The following GLS variants were observed in gnomAD, a reference collection of about 807,000 sequenced individuals.
The protein encoded by GLS is glutaminase kidney isoform, mitochondrial.
GLS carries 36 observed loss-of-function variants against 86.7 expected under a neutral mutation model. That is an observed-to-expected ratio of 0.42 (90% CI 0.32 to 0.55). The LOEUF (loss-of-function observed/expected upper bound fraction) is 0.55, where lower values mean the gene tolerates loss of function less well. Among genes scored for constraint, GLS ranks in the 20% least tolerant of loss-of-function variants. The pLI, the probability that GLS is intolerant of heterozygous loss-of-function variation, is 0.17. For missense variants in GLS, 528 were observed against 833.4 expected (o/e 0.63, Z 4.51); for synonymous variants, 317 against 305.9 (o/e 1.04, Z -0.38).
At chr2:190,942,547 T>C (rs1200641367) in intron 14 of GLS, among the ~76,000 whole-genome samples, 1 of 152,082 alleles carries the variant, frequency 6.6e-6, no homozygotes, top group African/African-American at 2.4e-5. Context: ...GTTTAAGAAA[T>C]AGGATTGGCA....
At chr2:190,911,768 C>T (rs879562817) in intron 7 of GLS, among the ~76,000 whole-genome samples, 11 of 152,036 alleles carry the variant, frequency 7.2e-5, no homozygotes, top group Admixed American at 6.6e-4. Context: ...AAAAGTGTTT[C>T]TTCCCAGAAA....
rs1689833046 is a variant in GLS at position 190,924,280 on chromosome 2, G to C, written c.1198-263G>C. Among the ~76,000 whole-genome samples, 1 of 151,992 alleles carries C rather than the reference G, an allele frequency of 6.6e-6. No individual in the cohort carries two copies. The highest frequency in any genetic ancestry group is 1.5e-5 in the Non-Finnish European group (1 of 67,982). ...TGCCTGATTACTGTTAACTACTCTT[G>C]ATTTTTTTAAGTGGCTGGTCTAGTA... On this transcript the variant is annotated intron_variant, in intron 10 of 17. Coordinates refer to ENST00000320717, the MANE Select transcript of GLS (RefSeq NM_014905.5). This position sits in a 1 kb window ranked among gnomAD's most constrained non-coding sequence, Gnocchi z 5.2.
chr2:190,887,341 C>T (rs576051411), intron 1 of GLS, among the ~76,000 whole-genome samples: 1 of 151,958 alleles, frequency 6.6e-6, no homozygotes, highest in African/African-American at 2.4e-5. Flanking sequence ...CCCCCTACAA[C>T]GTAGTAGAAG....
Position 190,947,905 on chromosome 2 carries a change from G to C in GLS, c.1651-5660G>C, listed in dbSNP as rs927456426. Among the ~76,000 whole-genome samples, 1 of 152,142 alleles carries C rather than the reference G, an allele frequency of 6.6e-6. No individual in the cohort carries two copies. Among genetic ancestry groups the C allele is most frequent in the African/African-American group, 2.4e-5 (1 of 41,424 alleles). On this transcript the variant is annotated intron_variant, in intron 14 of 17. Transcript: ENST00000320717. The surrounding 1 kb of genome is among the most constrained non-coding windows in gnomAD (Gnocchi z 5.0). ...TGTGTCAGCTTAGTTGGAAATACTC[G>C]TGGCGCTCTTTAACAGACCAGGAAG...
At position 190,954,443 on chromosome 2, in the gene GLS, A is replaced by G. The variant is rs1200753112; in HGVS notation, c.1713-141A>G. On this transcript the variant is annotated intron_variant, in intron 15 of 17. Coordinates refer to ENST00000320717, the MANE Select transcript of GLS (RefSeq NM_014905.5). This position sits in a 1 kb window ranked among gnomAD's most constrained non-coding sequence, Gnocchi z 4.0. ...ACCCAAAACACCTGTGTACTGGTTA[A>G]TAAGGTCGGTAGTTCCCATTAATGA... The G allele has an allele frequency of 8.0e-6, 5 of 626,100 alleles. No individual in the cohort carries two copies. The highest frequency in any genetic ancestry group is 1.4e-5 in the Non-Finnish European group (5 of 349,138). The allele number at this position is 626,100 out of a possible 1,614,324, so 38.8% of individuals were successfully genotyped here.
chr2:190,916,568 C>A (rs1225794496), intron 7 of GLS, among the ~76,000 whole-genome samples: 3 of 152,084 alleles, frequency 2.0e-5, no homozygotes, highest in Admixed American at 2.0e-4. Flanking sequence ...CCAAGAGATA[C>A]ACAAGCAGAT....
Position 190,921,279 on chromosome 2 carries a change from G to T in GLS, c.1130+76G>T. The T allele has an allele frequency of 1.0e-6, 1 of 958,386 alleles. No homozygotes were observed. Among genetic ancestry groups the T allele is most frequent in the Non-Finnish European group, 1.7e-6 (1 of 592,066 alleles). 59.4% of individuals were successfully genotyped at this position (958,386 alleles called of 1,614,324 possible). ...AGAATTGATCCACTCTCTTTTCATT[G>T]GAGGGAAATGAATGATTTCTAAATT... On this transcript the variant is annotated intron_variant, in intron 9 of 17. Coordinates refer to ENST00000320717, the MANE Select transcript of GLS (RefSeq NM_014905.5). This position sits in a 1 kb window ranked among gnomAD's most constrained non-coding sequence, Gnocchi z 4.2.
chr2:190,919,129 A>G (rs1689648954), intron 7 of GLS, among the ~76,000 whole-genome samples: 1 of 152,174 alleles, frequency 6.6e-6, no homozygotes, highest in Admixed American at 6.5e-5. Context: ...TTCTTAAAAA[A>G]TGCACTATCT....
intron 12 of GLS, among the ~76,000 whole-genome samples, chr2:190,928,802 A>G (rs1219308614): frequency 7.5e-6 from 1 of 132,462 alleles, no homozygotes; most frequent in East Asian, 2.1e-4. Context: ...AATTTAGTCT[A>G]TACAGTTTTC....
At position 190,905,631 on chromosome 2, in the gene GLS, T is replaced by G. The variant is rs953858280; in HGVS notation, c.979+464T>G. On this transcript the variant is annotated intron_variant, in intron 6 of 17. Transcript: ENST00000320717. The surrounding 1 kb of genome is among the most constrained non-coding windows in gnomAD (Gnocchi z 4.6). ...GGATTATTATTTTTCAGTGAGTGTTTTTACTTTTTATCCTTATAACATTAA... is the reference window on the plus strand; with the variant it reads ...GGATTATTATTTTTCAGTGAGTGTTGTTACTTTTTATCCTTATAACATTAA... 6.6e-6 allele frequency among the ~76,000 whole-genome samples: 1 copy of G among 152,118 alleles called. No homozygotes were observed. The highest frequency in any genetic ancestry group is 6.5e-5 in the Admixed American group (1 of 15,280).
chr2:190,945,417 CT>C (rs1437129936), intron 14 of GLS, among the ~76,000 whole-genome samples: 2 of 151,894 alleles, frequency 1.3e-5, no homozygotes, highest in African/African-American at 2.4e-5. Context: ...AATCCCAGCA[CT>C]TTGGGAGGGT....
intron 5 of GLS, among the ~76,000 whole-genome samples, chr2:190,902,708 G>A (rs1166633158): frequency 6.6e-6 from 1 of 152,182 alleles, no homozygotes; most frequent in Non-Finnish European, 1.5e-5. Context: ...CGTGTTCATT[G>A]TGCTGGGAAT....
At chr2:190,881,797 C>A in intron 1 of GLS, 1 of 246,808 alleles carries the variant, frequency 4.1e-6, no homozygotes, top group Non-Finnish European at 7.8e-6. Flanking sequence ...GCGTGCTCAG[C>A]TCCCTGGCTT....
chr2:190,927,274 A>G (rs1402948328), intron 11 of GLS, 32 bp from the exon 12 acceptor site: 3 of 1,512,450 alleles, frequency 2.0e-6, no homozygotes, highest in Admixed American at 4.0e-5. Context: ...TATTAAAAGT[A>G]GTATGAGAAT....
intron 7 of GLS, among the ~76,000 whole-genome samples, chr2:190,917,251 C>T (rs1006362031): frequency 6.6e-6 from 1 of 152,130 alleles, no homozygotes. Flanking sequence ...GCATCTTTAC[C>T]AGAAGTAGTT....
At chr2:190,898,717 C>T (rs939221865) in intron 3 of GLS, among the ~76,000 whole-genome samples, 39 of 152,206 alleles carry the variant, frequency 2.6e-4, no homozygotes, top group Admixed American at 9.2e-4. Flanking sequence ...CCGCAACCTC[C>T]GCCTCCCAGG....
rs901793433 is a variant in GLS, at chr2:190,930,637, C to T, written c.1557+69C>T. The stretch of plus-strand genomic sequence containing the variant: ...GCCATCCAATGATTCTTTTTTTTAA[C>T]CCATTTTCCATAGTTCATTAACTCT... On this transcript the variant is annotated intron_variant, in intron 13 of 17. Transcript: ENST00000320717. This position sits in a 1 kb window ranked among gnomAD's most constrained non-coding sequence, Gnocchi z 5.0. The T allele has an allele frequency of 2.8e-5, 40 of 1,452,584 alleles. No individual in the cohort carries two copies. Among genetic ancestry groups the T allele is most frequent in the South Asian group, 5.1e-5 (4 of 78,558 alleles). The allele number at this position is 1,452,584 out of a possible 1,614,324, so 90.0% of individuals were successfully genotyped here.
chr2:190,946,873 A>AATTGGGAAT (rs1690588066), intron 14 of GLS, among the ~76,000 whole-genome samples: 2 of 152,186 alleles, frequency 1.3e-5, no homozygotes, highest in African/African-American at 4.8e-5. Context: ...AGTTGTACAG[A>AATTGGGAAT]ATTGGGAATC....
At chr2:190,891,996 A>AC in intron 1 of GLS, among the ~76,000 whole-genome samples, 1 of 152,144 alleles carries the variant, frequency 6.6e-6, no homozygotes, top group East Asian at 1.9e-4. Context: ...TCTAAAAAAA[A>AC]GCTTGACCTT....
Sources: gnomAD v4.1 joint callset for allele counts (sites outside exome capture counted in the v4.1 genomes callset) on GRCh38, gnomAD v4.1.1 for gene constraint, Gnocchi (gnomAD v3.1) non-coding constraint, MANE v1.5 for transcripts, NCBI Gene and HGNC (gene_info 2026-07-23, HGNC 2026-07-21) for gene names.